CCDC170: variants seen among roughly 807,000 people sequenced by gnomAD.
CCDC170 encodes coiled-coil domain-containing protein 170.
A neutral mutation model predicts 72.6 loss-of-function variants in CCDC170; 69 were observed. The observed-to-expected ratio is 0.95, with a 90% CI of 0.78 to 1.16. The LOEUF is 1.16. CCDC170 is among the 50% of genes most tolerant of loss of function. The pLI is 0.00. For synonymous variants in CCDC170, 300 were observed against 303.9 expected, an observed-to-expected ratio of 0.99 and a Z score of 0.13; for missense variants, 852 against 832.5, an observed-to-expected ratio of 1.02 and a Z score of -0.29.
At chr6:151,543,842 A>G (rs1339371430) in intron 3 of CCDC170, among the ~76,000 whole-genome samples, 1 of 152,150 alleles carries the variant, frequency 6.6e-6, no homozygotes, top group African/African-American at 2.4e-5. Flanking sequence ...ATGTGTATAT[A>G]TCATATTTTT....
intron 6 of CCDC170, among the ~76,000 whole-genome samples, chr6:151,584,394 G>C (rs1288753776): frequency 2.0e-5 from 3 of 152,024 alleles, no homozygotes; most frequent in Non-Finnish European, 4.4e-5. Context: ...ATGCTTAAGT[G>C]AATGATGACA....
intron 1 of CCDC170, among the ~76,000 whole-genome samples, chr6:151,500,680 G>C (rs1781981636): frequency 6.6e-6 from 1 of 152,012 alleles, no homozygotes; most frequent in Admixed American, 6.6e-5. Context: ...ATTAGTAGTG[G>C]TAAAGAGAGT....
chr6:151,608,185 A>T (rs1776814988), intron 9 of CCDC170, among the ~76,000 whole-genome samples: 1 of 151,858 alleles, frequency 6.6e-6, no homozygotes, highest in Non-Finnish European at 1.5e-5. Flanking sequence ...TCTTTTTCTT[A>T]TATTTATTTC....
chr6:151,616,345 A>T (rs534549418), intron 10 of CCDC170, among the ~76,000 whole-genome samples: 7 of 152,254 alleles, frequency 4.6e-5, no homozygotes, highest in Non-Finnish European at 8.8e-5. Context: ...TAGTGAGTCC[A>T]TCAGGAGGTC....
intron 1 of CCDC170, among the ~76,000 whole-genome samples, chr6:151,514,286 G>C (rs1782196226): frequency 7.1e-6 from 1 of 140,556 alleles, no homozygotes; most frequent in East Asian, 2.2e-4. Context: ...GGATGACAGA[G>C]TGAAATCCTG....
At chr6:151,552,160 A>G (rs1782889942) in intron 5 of CCDC170, among the ~76,000 whole-genome samples, 1 of 151,728 alleles carries the variant, frequency 6.6e-6, no homozygotes, top group African/African-American at 2.4e-5. Flanking sequence ...TAAAAGTTGG[A>G]TCTAGAGGCT....
At chr6:151,515,531 C>A (rs1184357588) in intron 1 of CCDC170, among the ~76,000 whole-genome samples, 1 of 152,182 alleles carries the variant, frequency 6.6e-6, no homozygotes, top group African/African-American at 2.4e-5. Flanking sequence ...GATCTGCCTG[C>A]CTTGGCCTCC....
intron 5 of CCDC170, among the ~76,000 whole-genome samples, chr6:151,551,042 A>T (rs1290122144): frequency 6.6e-6 from 1 of 152,184 alleles, no homozygotes; most frequent in East Asian, 1.9e-4. Flanking sequence ...ATAACTTACC[A>T]TTATTTTTCA....
chr6:151,551,262 A>G (rs1359860823), intron 5 of CCDC170, among the ~76,000 whole-genome samples: 1 of 152,192 alleles, frequency 6.6e-6, no homozygotes, highest in Non-Finnish European at 1.5e-5. Flanking sequence ...TAAGTTGCAG[A>G]CTTCATAAGT....
intron 1 of CCDC170, among the ~76,000 whole-genome samples, chr6:151,498,084 C>T (rs912617754): frequency 2.0e-5 from 3 of 151,974 alleles, no homozygotes; most frequent in African/African-American, 4.8e-5. Flanking sequence ...TGAGAAGCCA[C>T]AGACATATGG....
chr6:151,552,011 GT>G (rs1160652939), intron 5 of CCDC170, among the ~76,000 whole-genome samples: 1 of 139,362 alleles, frequency 7.2e-6, no homozygotes, highest in Non-Finnish European at 1.5e-5. Context: ...CACTGCATTT[GT>G]TGATTAGTGT....
intron 1 of CCDC170, among the ~76,000 whole-genome samples, chr6:151,531,765 G>A (rs949463090): frequency 5.9e-5 from 9 of 152,158 alleles, no homozygotes; most frequent in Non-Finnish European, 1.2e-4. Flanking sequence ...TACAATCATG[G>A]CAGAAGGGGA....
chr6:151,549,392 G>A (rs1230532985), intron 5 of CCDC170, among the ~76,000 whole-genome samples: 1 of 152,122 alleles, frequency 6.6e-6, no homozygotes, highest in Non-Finnish European at 1.5e-5. Context: ...TAAAGAATTT[G>A]TAGAGAAGAT....
intron 6 of CCDC170, among the ~76,000 whole-genome samples, chr6:151,578,248 G>A (rs775838452): frequency 6.6e-6 from 1 of 152,138 alleles, no homozygotes; most frequent in East Asian, 1.9e-4. Context: ...ACAAAGTACC[G>A]CAACTGGGCG....
intron 9 of CCDC170, among the ~76,000 whole-genome samples, chr6:151,611,175 T>C (rs1776864120): frequency 6.6e-6 from 1 of 151,938 alleles, no homozygotes; most frequent in Non-Finnish European, 1.5e-5. Flanking sequence ...CTCTGGAGGC[T>C]GAGGCAGGGG....
chr6:151,543,798 A>AT (rs765315778), intron 3 of CCDC170, among the ~76,000 whole-genome samples: 9 of 152,148 alleles, frequency 5.9e-5, no homozygotes, highest in Non-Finnish European at 1.2e-4. Flanking sequence ...TCCTGACAGG[A>AT]TTTCACTCTT....
rs914716680 is a variant in CCDC170 at position 151,580,703 on chromosome 6, A to C, written c.1093-5186A>C. On this transcript the variant is annotated intron_variant, in intron 6 of 10. Coordinates refer to ENST00000239374, the MANE Select transcript of CCDC170 (RefSeq NM_025059.4). ...ACACACAGAAGTGTTAAATTAATTG[A>C]ATGTCTGGAAGCTTGAGAGCCATGG... 1.1e-4 allele frequency among the ~76,000 whole-genome samples: 16 copies of C among 152,162 alleles called. No homozygotes were observed. In the East Asian group the frequency reaches 3.1e-3, roughly 29 times the overall value.
At chr6:151,594,019 C>T (rs1776584842) in intron 8 of CCDC170, among the ~76,000 whole-genome samples, 1 of 152,086 alleles carries the variant, frequency 6.6e-6, no homozygotes, top group African/African-American at 2.4e-5. Flanking sequence ...GAAATTCTAG[C>T]AGAGAGAGAA....
At chr6:151,603,125 A>T (rs1249302481) in intron 9 of CCDC170, among the ~76,000 whole-genome samples, 3 of 152,174 alleles carry the variant, frequency 2.0e-5, no homozygotes, top group Non-Finnish European at 2.9e-5. Flanking sequence ...AGCATGGACT[A>T]TATACTATCC....
Sources: allele counts gnomAD v4.1 joint callset (sites outside exome capture counted in the v4.1 genomes callset), GRCh38; gene constraint gnomAD v4.1.1; transcripts MANE v1.5; gene names NCBI Gene and HGNC (gene_info 2026-07-23, HGNC 2026-07-21).